The following PDGFRA variants were observed in gnomAD, a reference collection of about 807,000 sequenced individuals.
The protein encoded by PDGFRA is platelet-derived growth factor receptor alpha.
In PDGFRA, 25 loss-of-function variants were observed where a neutral mutation model predicts 121.5. The observed-to-expected ratio is 0.21, with a 90% CI of 0.15 to 0.29. The LOEUF (loss-of-function observed/expected upper bound fraction) is 0.29, where lower values mean the gene tolerates loss of function less well. Ranked by LOEUF, PDGFRA falls within the 10% of genes least tolerant of loss-of-function variation. The pLI, the probability that PDGFRA is intolerant of heterozygous loss-of-function variation, is 1.00. For synonymous variants in PDGFRA, 463 were observed against 494.8 expected, an observed-to-expected ratio of 0.94 and a Z score of 0.85; for missense variants, 1,008 against 1,345.1, an observed-to-expected ratio of 0.75 and a Z score of 3.92.
At chr4:54,281,309 G>T (rs1047156534) in intron 16 of PDGFRA, among the ~76,000 whole-genome samples, 1 of 152,166 alleles carries the variant, frequency 6.6e-6, no homozygotes, top group Non-Finnish European at 1.5e-5. Context: ...GTGTTGAGCT[G>T]CCCTGGACAT....
chr4:54,255,214 A>G (rs966585300), intron 1 of PDGFRA, among the ~76,000 whole-genome samples: 2 of 152,206 alleles, frequency 1.3e-5, no homozygotes, highest in African/African-American at 4.8e-5. Context: ...CACAGCATGC[A>G]CATGCAAACT....
intron 15 of PDGFRA, 132 bp downstream of exon 15, chr4:54,278,647 C>A: frequency 1.2e-6 from 1 of 813,080 alleles, no homozygotes; most frequent in Non-Finnish European, 2.1e-6. Context: ...TCAAACCACC[C>A]TGTCCAGTCT....
chr4:54,274,807 T>A (rs934016801), intron 11 of PDGFRA, 34 bp from the exon 12 acceptor site: 1 of 1,613,586 alleles, frequency 6.2e-7, no homozygotes, highest in Non-Finnish European at 8.5e-7. Context: ...GGGACTTTGG[T>A]AATTCACCAG....
chr4:54,261,931 A>ATATATATATATTTT, intron 3 of PDGFRA, among the ~76,000 whole-genome samples: 1 of 58,416 alleles, frequency 1.7e-5, no homozygotes, highest in Admixed American at 2.3e-4. Flanking sequence ...ATATATATAT[A>ATATATATATATTTT]TTTTTTTTTT....
chr4:54,275,365 A>C (rs6855761), intron 12 of PDGFRA, among the ~76,000 whole-genome samples: 1 of 152,100 alleles, frequency 6.6e-6, no homozygotes, highest in Non-Finnish European at 1.5e-5. Context: ...CATTCTGAAG[A>C]TGCATTAGAT....
intron 7 of PDGFRA, 40 bp downstream of exon 7, chr4:54,267,781 T>G: frequency 1.9e-6 from 3 of 1,550,904 alleles, no homozygotes; most frequent in South Asian, 2.2e-5. Context: ...TTTTTTAGTG[T>G]GCATCAGAGG....
intron 1 of PDGFRA, among the ~76,000 whole-genome samples, chr4:54,237,844 A>G (rs1420318290): frequency 6.6e-6 from 1 of 152,250 alleles, no homozygotes; most frequent in Non-Finnish European, 1.5e-5. Context: ...TAGGTGGCAC[A>G]CAGGGGTGGG....
At position 54,244,334 on chromosome 4, in the gene PDGFRA, A is replaced by G. The variant is rs529552710; in HGVS notation, c.-12-14423A>G. ...GGCACCCCCTAGTAGGGGCAGACTG[A>G]CACCTCACACAGCCGGGTACTCCTC... On this transcript the variant is annotated intron_variant, in intron 1 of 22. Coordinates refer to ENST00000257290, the MANE Select transcript of PDGFRA (RefSeq NM_006206.6). Among the ~76,000 whole-genome samples, 379 of 152,292 alleles carry G rather than the reference A, an allele frequency of 2.5e-3. 1 individual carries two copies. Among genetic ancestry groups the G allele is most frequent in the African/African-American group, 9.0e-3 (373 of 41,566 alleles).
intron 16 of PDGFRA, among the ~76,000 whole-genome samples, chr4:54,282,180 G>GTC (rs1308983181): frequency 1.3e-5 from 2 of 152,122 alleles, no homozygotes; most frequent in Admixed American, 6.5e-5. Context: ...GTGCGTGTAT[G>GTC]TCTCTGTGTG....
chr4:54,258,938 A>G (rs780428677), intron 2 of PDGFRA, 121 bp downstream of exon 2: 18 of 836,418 alleles, frequency 2.2e-5, no homozygotes, highest in Non-Finnish European at 3.5e-5. Context: ...AAAGAAATAG[A>G]AAACTATAGG....
At chr4:54,234,249 A>AC (rs1720881371) in intron 1 of PDGFRA, among the ~76,000 whole-genome samples, 2 of 141,190 alleles carry the variant, frequency 1.4e-5, no homozygotes, top group Admixed American at 7.5e-5. Flanking sequence ...TTTCAACAGC[A>AC]GTTTTCCTAT....
intron 1 of PDGFRA, among the ~76,000 whole-genome samples, chr4:54,244,493 C>G (rs1270077354): frequency 6.6e-6 from 1 of 152,196 alleles, no homozygotes; most frequent in African/African-American, 2.4e-5. Flanking sequence ...TCCAACAGAC[C>G]TGCAGCTGAG....
intron 4 of PDGFRA, chr4:54,264,324 C>A: frequency 3.2e-6 from 1 of 314,082 alleles, no homozygotes. Context: ...GACTTCAACC[C>A]TTTGATGTCC....
chr4:54,282,988 C>T (rs1724148270), intron 16 of PDGFRA, among the ~76,000 whole-genome samples: 1 of 152,184 alleles, frequency 6.6e-6, no homozygotes, highest in Non-Finnish European at 1.5e-5. Flanking sequence ...AGGGGTGGAG[C>T]TCTTGGGAGG....
intron 1 of PDGFRA, among the ~76,000 whole-genome samples, chr4:54,249,828 A>T (rs1560458548): frequency 6.6e-6 from 1 of 151,916 alleles, no homozygotes; most frequent in African/African-American, 2.4e-5. Flanking sequence ...AGTTAAAGGG[A>T]TATTATTATT....
Position 54,287,427 on chromosome 4 carries a change from C to T in PDGFRA, c.2563-3C>T, listed in dbSNP as rs2110341114. ...GTTTAACTGTCTCCCTCCTTCCTTG[C>T]AGACCTTTCTGCCCGTGAAGTGGAT... On this transcript the variant is annotated splice_region_variant and splice_polypyrimidine_tract_variant and intron_variant, in intron 18 of 22. Coordinates refer to ENST00000257290, the MANE Select transcript of PDGFRA (RefSeq NM_006206.6). 8.1e-7 allele frequency: 1 copy of T among 1,233,648 alleles called. No individual in the cohort carries two copies. The highest frequency in any genetic ancestry group is 1.2e-6 in the Non-Finnish European group (1 of 832,378). The allele number at this position is 1,233,648 out of a possible 1,614,324, so 76.4% of individuals were successfully genotyped here.
At chr4:54,230,517 G>A (rs1720602531) in intron 1 of PDGFRA, 1 of 152,230 alleles carries the variant, frequency 6.6e-6, no homozygotes. Context: ...TCTGGCCGCA[G>A]GCAGGAAGAG....
At chr4:54,244,682 C>A (rs1721520925) in intron 1 of PDGFRA, among the ~76,000 whole-genome samples, 2 of 152,254 alleles carry the variant, frequency 1.3e-5, no homozygotes, top group Non-Finnish European at 2.9e-5. Flanking sequence ...CAGAGGAACG[C>A]AGCTCCTCAC....
intron 12 of PDGFRA, 29 bp downstream of exon 12, chr4:54,275,002 C>T: frequency 3.7e-6 from 6 of 1,612,822 alleles, no homozygotes; most frequent in Non-Finnish European, 5.1e-6. Context: ...CCTCCCAAGA[C>T]TCCCTTTTCC....
Sources: gnomAD v4.1 joint callset for allele counts (sites outside exome capture counted in the v4.1 genomes callset) on GRCh38, gnomAD v4.1.1 for gene constraint, MANE v1.5 for transcripts, NCBI Gene and HGNC (gene_info 2026-07-23, HGNC 2026-07-21) for gene names.